PDZD8: variants seen among roughly 807,000 people sequenced by gnomAD.
PDZD8 encodes the protein PDZ domain-containing protein 8.
In PDZD8, 14 loss-of-function variants were observed where a neutral mutation model predicts 85.8. The ratio of observed to expected loss-of-function variants is 0.16; its 90% CI spans 0.11 to 0.26. PDZD8 has a LOEUF of 0.26. PDZD8 is among the 10% of genes least tolerant of loss of function. The pLI is 1.00. For missense variants in PDZD8, 1,197 were observed against 1,424.3 expected (o/e 0.84, Z 2.57); for synonymous variants, 592 against 568.6 (o/e 1.04, Z -0.59).
intron 3 of PDZD8, among the ~76,000 whole-genome samples, chr10:117,318,255 T>A (rs1844164653): frequency 6.6e-6 from 1 of 152,168 alleles, no homozygotes; most frequent in African/African-American, 2.4e-5. Flanking sequence ...CTAAAGAGCC[T>A]CCTTTATCAT....
At chr10:117,359,944 T>C (rs942942557) in intron 1 of PDZD8, among the ~76,000 whole-genome samples, 3 of 152,130 alleles carry the variant, frequency 2.0e-5, no homozygotes, top group African/African-American at 4.8e-5. Context: ...AAAGTATTCC[T>C]GAATAGTTAT....
intron 2 of PDZD8, among the ~76,000 whole-genome samples, chr10:117,323,027 CTTTCACA>C (rs1336184910): frequency 6.6e-6 from 1 of 152,168 alleles, no homozygotes; most frequent in Non-Finnish European, 1.5e-5. Flanking sequence ...CTACACCTGA[CTTTCACA>C]TGTATGAGTA....
chr10:117,329,386 C>T (rs1844376560), intron 2 of PDZD8, among the ~76,000 whole-genome samples: 1 of 152,052 alleles, frequency 6.6e-6, no homozygotes, highest in African/African-American at 2.4e-5. Context: ...TATGTTGAAA[C>T]CTTCCAGTAA....
rs200340187 is a variant in PDZD8, at chr10:117,352,466, CA to C, written c.873-11365del. ...GTTAGATGAGGATTTGTCAAGGAGA[CA>C]AAAAAGAACACAAAAAAGAAGACAA... On this transcript the variant is annotated intron_variant, in intron 1 of 4. Transcript: ENST00000334464. Among the ~76,000 whole-genome samples, 262 of 151,858 alleles carry C rather than the reference CA, an allele frequency of 1.7e-3. 5 individuals carry two copies. Among genetic ancestry groups the C allele is most frequent in the African/African-American group, 5.9e-3 (244 of 41,450 alleles).
Position 117,281,046 on chromosome 10 carries a change from A to T in PDZD8, c.*2222T>A, listed in dbSNP as rs1234300258. On this transcript the variant is annotated 3_prime_UTR_variant, in exon 5 of 5. Transcript: ENST00000334464. ...TTAGCTTTCAGGGAATTTGGTGTGT[A>T]AATTCTTCTATAGCAGTGTTCTTTT... 6.6e-6 allele frequency: 1 copy of T among 152,220 alleles called. No homozygotes were observed. Among genetic ancestry groups the T allele is most frequent in the African/African-American group, 2.4e-5 (1 of 41,464 alleles). The allele number at this position is 152,220 out of a possible 1,614,324, so 9.4% of individuals were successfully genotyped here.
chr10:117,289,840 G>A (rs554381685), intron 4 of PDZD8, among the ~76,000 whole-genome samples: 4 of 152,174 alleles, frequency 2.6e-5, no homozygotes, highest in Non-Finnish European at 4.4e-5. Context: ...GGTGGTAGTC[G>A]TACAGAAAGA....
intron 1 of PDZD8, among the ~76,000 whole-genome samples, chr10:117,345,373 A>T (rs1172913147): frequency 6.6e-6 from 1 of 152,190 alleles, no homozygotes; most frequent in African/African-American, 2.4e-5. Context: ...AATATCAAAC[A>T]CTTACCCAAG....
intron 1 of PDZD8, among the ~76,000 whole-genome samples, chr10:117,343,125 C>T (rs4752052): frequency 0.099 from 14,989 of 152,130 alleles, 1,064 homozygotes; most frequent in East Asian, 0.34. Context: ...GTATGTGTTG[C>T]GCTGATTTAC....
rs1844734240 is a variant in PDZD8 at position 117,290,246 on chromosome 10, G to C, written c.1201C>G (p.Pro401Ala). The change falls in exon 4 of 5, where the codon CCA becomes GCA. Residue 401 changes from proline (P) to alanine (A), a missense_variant. Pro to Ala is a conservative substitution (Grantham distance 27). This residue lies in a region of PDZD8 where 344 missense variants were observed against 453.6 expected (regional missense o/e 0.76). Transcript: ENST00000334464. ...TCTGCAATTGCAGCAGGCGAGTTTG[G>C]AGCCACAGTTTCAATGATGACGTGC... ...AGHVIIETVAPNSPAAIADLQ... is the reference protein window; with the variant it reads ...AGHVIIETVAANSPAAIADLQ... 6.2e-7 allele frequency: 1 copy of C among 1,614,084 alleles called. No individual in the cohort carries two copies. Among genetic ancestry groups the C allele is most frequent in the Non-Finnish European group, 8.5e-7 (1 of 1,179,972 alleles).
intron 1 of PDZD8, among the ~76,000 whole-genome samples, chr10:117,347,073 C>G (rs950128508): frequency 3.3e-5 from 5 of 152,034 alleles, no homozygotes; most frequent in African/African-American, 1.2e-4. Flanking sequence ...CCCACCCCTC[C>G]TGTGTGTCCC....
intron 3 of PDZD8, among the ~76,000 whole-genome samples, chr10:117,295,973 TAATGTC>T (rs1406857870): frequency 6.6e-6 from 1 of 151,738 alleles, no homozygotes; most frequent in Admixed American, 6.6e-5. Context: ...TACTGGAAGT[TAATGTC>T]AGTGTAATGA....
intron 3 of PDZD8, among the ~76,000 whole-genome samples, chr10:117,299,273 A>G (rs1306300393): frequency 1.3e-5 from 2 of 152,182 alleles, no homozygotes; most frequent in Non-Finnish European, 2.9e-5. Flanking sequence ...TTGGGTTTCA[A>G]TCCACAGTTG....
intron 3 of PDZD8, among the ~76,000 whole-genome samples, chr10:117,294,327 C>CAAAAAAAAAAAA (rs71013656): frequency 1.3e-4 from 18 of 142,544 alleles, no homozygotes; most frequent in African/African-American, 3.8e-4. Flanking sequence ...ACCAAAAAGA[C>CAAAAAAAAAAAA]AAAAAAAAAA....
intron 3 of PDZD8, among the ~76,000 whole-genome samples, chr10:117,305,030 A>G (rs969992888): frequency 3.3e-5 from 5 of 152,164 alleles, no homozygotes; most frequent in African/African-American, 1.2e-4. Flanking sequence ...TGTGGGTTCT[A>G]TATCCGACAA....
chr10:117,284,563 CCAA>C lies in PDZD8; in HGVS notation c.2167_2169del (p.Leu723del). 1 of 1,614,130 alleles carries C rather than the reference CCAA, an allele frequency of 6.2e-7. No homozygotes were observed. Among genetic ancestry groups the C allele is most frequent in the Non-Finnish European group, 8.5e-7 (1 of 1,180,022 alleles). On this transcript the variant is annotated inframe_deletion, in exon 5 of 5. Transcript: ENST00000334464. ...ACATGCCCCAAACAGATGAGACCTC[CCAA>C]CTTGAAAGGATCCCTGCACCACAAT... is the stretch of plus-strand genomic sequence containing the variant.
rs920007205 is a variant in PDZD8, at chr10:117,329,867, G to A, written c.996-10893C>T. Among the ~76,000 whole-genome samples, 48 of 150,862 alleles carry A rather than the reference G, an allele frequency of 3.2e-4. 1 individual carries two copies. Among genetic ancestry groups the A allele is most frequent in the African/African-American group, 1.2e-3 (48 of 40,982 alleles). On this transcript the variant is annotated intron_variant, in intron 2 of 4. Coordinates refer to ENST00000334464, the MANE Select transcript of PDZD8 (RefSeq NM_173791.5). ...AGGCTGAAGTGGGAGGATTGCTTGA[G>A]CCTGGCGGGTGGAGGTTGCAGTGAG...
rs781498951 is a variant in PDZD8, at chr10:117,375,108, G to A, written c.120C>T (p.Arg40=). 2 of 1,595,058 alleles carry A rather than the reference G, an allele frequency of 1.3e-6. No individual in the cohort carries two copies. Among genetic ancestry groups the A allele is most frequent in the Non-Finnish European group, 1.7e-6 (2 of 1,175,938 alleles). The change falls in exon 1 of 5, where the codon CGC becomes CGT. Residue 40 remains arginine, a synonymous_variant. Transcript: ENST00000334464. ...TGATGTAGCGGAAGCCCTCGCCCGC[G>A]CGGGCGGCCTCGTCCGCCGGCGGCT... The part of the protein sequence containing the change: ...QPEPPADEAA[R]AGEGFRYIKP...
chr10:117,308,568 A>T (rs531606466), intron 3 of PDZD8, among the ~76,000 whole-genome samples: 1 of 152,102 alleles, frequency 6.6e-6, no homozygotes, highest in African/African-American at 2.4e-5. Context: ...TATTACCTCT[A>T]CTGTAGAGAT....
At chr10:117,324,560 A>G (rs1844283121) in intron 2 of PDZD8, among the ~76,000 whole-genome samples, 1 of 152,172 alleles carries the variant, frequency 6.6e-6, no homozygotes, top group African/African-American at 2.4e-5. Context: ...ACAGTCCAAA[A>G]TTGCTTATTC....
Sources: gnomAD v4.1 joint callset for allele counts (sites outside exome capture counted in the v4.1 genomes callset) on GRCh38, gnomAD v4.1.1 for gene constraint, gnomAD v4.1.1 regional missense constraint, MANE v1.5 for transcripts, NCBI Gene and HGNC (gene_info 2026-07-23, HGNC 2026-07-21) for gene names.